The following CASZ1 variants were observed in gnomAD, a reference collection of about 807,000 sequenced individuals.
The protein encoded by CASZ1 is castor zinc finger 1, also known as zinc finger protein castor homolog 1.
A neutral mutation model predicts 135.2 loss-of-function variants in CASZ1; 28 were observed. The observed-to-expected ratio is 0.21, with a 90% CI of 0.15 to 0.28. The LOEUF (loss-of-function observed/expected upper bound fraction) is 0.28. Among genes scored for constraint, CASZ1 ranks in the 10% least tolerant of loss-of-function variants. CASZ1 has a pLI of 1.00. For synonymous variants in CASZ1, 1,068 were observed against 1,073.4 expected (o/e 0.99, Z 0.10); for missense variants, 2,161 against 2,453.3 (o/e 0.88, Z 2.52).
Position 10,697,576 on chromosome 1 carries a change from C to T in CASZ1, c.-23-3664G>A, listed in dbSNP as rs563181803. ...TCTGCCCTTCCTGTCACACTGCTAT[C>T]GCTGGTTCCTGTTACCCCCCCCGCA... On this transcript the variant is annotated intron_variant, in intron 3 of 20. Transcript: ENST00000377022. The surrounding 1 kb of genome is among the most constrained non-coding windows in gnomAD (Gnocchi z 4.7). Among the ~76,000 whole-genome samples, 20 of 152,198 alleles carry T rather than the reference C, an allele frequency of 1.3e-4. No homozygotes were observed. Among genetic ancestry groups the T allele is most frequent in the African/African-American group, 4.1e-4 (17 of 41,520 alleles).
At chr1:10,744,106 T>C (rs1485260270) in intron 2 of CASZ1, among the ~76,000 whole-genome samples, 2 of 152,042 alleles carry the variant, frequency 1.3e-5, no homozygotes, top group African/African-American at 2.4e-5. Flanking sequence ...ACGCCTAGGG[T>C]ACTCCCACCC....
rs779437670 is a variant in CASZ1 at position 10,639,630 on chromosome 1, G to A, written c.4592C>T (p.Thr1531Met). 5.6e-6 allele frequency: 9 copies of A among 1,607,142 alleles called. No individual in the cohort carries two copies. The highest frequency in any genetic ancestry group is 4.4e-5 in the South Asian group (4 of 90,188). ...RFRCTDSTKV[T>M]AHRKHHGKQD... Reference sequence around the variant, plus strand: ...TTTGCCGTGGTGCTTGCGATGCGCCGTGACCTTGGTGCTGTCGGTGCAGCG... The same window carrying A: ...TTTGCCGTGGTGCTTGCGATGCGCCATGACCTTGGTGCTGTCGGTGCAGCG... Residue 1531 changes from threonine to methionine, a missense_variant, in exon 21 of 21, where the codon ACG (threonine) becomes ATG (methionine). Around this residue, in one of 7 missense-constraint regions of CASZ1, gnomAD observed 240 missense variants for 321.4 expected, o/e 0.75. Coordinates refer to ENST00000377022, the MANE Select transcript of CASZ1 (RefSeq NM_001079843.3). The surrounding 1 kb of genome is among the most constrained non-coding windows in gnomAD (Gnocchi z 4.0).
At position 10,699,874 on chromosome 1, in the gene CASZ1, TA is replaced by T. The variant is rs980256990; in HGVS notation, c.-24+5617del. On this transcript the variant is annotated intron_variant, in intron 3 of 20. Coordinates refer to ENST00000377022, the MANE Select transcript of CASZ1 (RefSeq NM_001079843.3). The surrounding 1 kb of genome is among the most constrained non-coding windows in gnomAD (Gnocchi z 4.6). Reference sequence around the variant, plus strand: ...TTCAAGAGTGTGGCCACAAAAACTTTAAAAAAAAGTTTTGGGGTGGAAACGT... The same window carrying T: ...TTCAAGAGTGTGGCCACAAAAACTTTAAAAAAAGTTTTGGGGTGGAAACGT... 1.3e-5 allele frequency among the ~76,000 whole-genome samples: 2 copies of T among 151,802 alleles called. No individual in the cohort carries two copies. The highest frequency in any genetic ancestry group is 3.9e-4 in the East Asian group (2 of 5,170).
intron 6 of CASZ1, among the ~76,000 whole-genome samples, chr1:10,659,022 C>G (rs567267017): frequency 8.5e-5 from 13 of 152,296 alleles, no homozygotes; most frequent in Admixed American, 6.5e-4. Context: ...GTCCGGGAGC[C>G]CCCCCAGGGT....
chr1:10,691,535 C>T (rs1458127886), intron 4 of CASZ1, among the ~76,000 whole-genome samples: 1 of 152,262 alleles, frequency 6.6e-6, no homozygotes, highest in Non-Finnish European at 1.5e-5. Context: ...GGCCTGCGCC[C>T]CTGGCCTTGG....
At position 10,756,169 on chromosome 1, in the gene CASZ1, C is replaced by T. The variant is rs1640251578; in HGVS notation, c.-77+4532G>A. 1.3e-5 allele frequency among the ~76,000 whole-genome samples: 2 copies of T among 152,058 alleles called. No individual in the cohort carries two copies. The highest frequency in any genetic ancestry group is 2.9e-5 in the Non-Finnish European group (2 of 68,000). The stretch of plus-strand genomic sequence containing the variant: ...GTAGGCCTGGGAGAGCCCCACCACT[C>T]CCGCAAGCCGCTGCCAGCCTGCACT... On this transcript the variant is annotated intron_variant, in intron 2 of 20. Coordinates refer to ENST00000377022, the MANE Select transcript of CASZ1 (RefSeq NM_001079843.3). This position sits in a 1 kb window ranked among gnomAD's most constrained non-coding sequence, Gnocchi z 5.9.
intron 4 of CASZ1, among the ~76,000 whole-genome samples, chr1:10,686,874 G>A (rs1018665612): frequency 4.6e-5 from 7 of 152,220 alleles, no homozygotes; most frequent in Non-Finnish European, 1.0e-4. Flanking sequence ...CACCTAAAAG[G>A]ATGGGGGGCA....
At chr1:10,696,670 G>A (rs2100420625) in intron 3 of CASZ1, among the ~76,000 whole-genome samples, 1 of 152,388 alleles carries the variant, frequency 6.6e-6, no homozygotes, top group South Asian at 2.1e-4. Flanking sequence ...ACTGTGTGTA[G>A]GAGGAAGCCT....
intron 15 of CASZ1, 108 bp from the exon 16 acceptor site, chr1:10,648,247 G>A (rs560473137): frequency 3.4e-5 from 27 of 796,654 alleles, no homozygotes; most frequent in Admixed American, 9.1e-5. Context: ...GTCCCTACTC[G>A]TCCCCATCAC....
intron 7 of CASZ1, 141 bp from the exon 8 acceptor site, chr1:10,656,877 G>T: frequency 1.6e-6 from 1 of 630,502 alleles, no homozygotes; most frequent in South Asian, 1.8e-5. Context: ...CCAGGCAAGT[G>T]ACTGGGCCTG....
At chr1:10,793,549 T>G (rs1641001468) in intron 1 of CASZ1, among the ~76,000 whole-genome samples, 2 of 152,336 alleles carry the variant, frequency 1.3e-5, no homozygotes, top group African/African-American at 4.8e-5. Context: ...GAGATCAGTT[T>G]AACATCTCCA....
chr1:10,748,101 A>C (rs1570554753), intron 2 of CASZ1, among the ~76,000 whole-genome samples: 1 of 152,112 alleles, frequency 6.6e-6, no homozygotes, highest in African/African-American at 2.4e-5. Flanking sequence ...TACAGGTGTG[A>C]GCCACTGCGC....
At chr1:10,712,643 G>A (rs1318077235) in intron 2 of CASZ1, among the ~76,000 whole-genome samples, 1 of 152,122 alleles carries the variant, frequency 6.6e-6, no homozygotes, top group Non-Finnish European at 1.5e-5. Context: ...TCCACAGGAT[G>A]TGCTGTGTGA....
chr1:10,740,677 A>C (rs1639898918), intron 2 of CASZ1, among the ~76,000 whole-genome samples: 1 of 152,198 alleles, frequency 6.6e-6, no homozygotes, highest in African/African-American at 2.4e-5. Context: ...TTCAGGGCAC[A>C]ATCGCTCATG....
Position 10,659,414 on chromosome 1 carries a change from G to T in CASZ1, c.1340+288C>A, listed in dbSNP as rs115958049. 5.9e-3 allele frequency among the ~76,000 whole-genome samples: 897 copies of T among 152,284 alleles called. 12 individuals are homozygous for T. Among genetic ancestry groups the T allele is most frequent in the African/African-American group, 0.02 (841 of 41,560 alleles). ...TGGGCGTGTGTGGGTGGCGTGTGTG[G>T]GGGGCGTGTGCGAGGTGCACGCGCA... On this transcript the variant is annotated intron_variant, in intron 6 of 20. Coordinates refer to ENST00000377022, the MANE Select transcript of CASZ1 (RefSeq NM_001079843.3).
Position 10,655,774 on chromosome 1 carries a change from T to C in CASZ1, c.1540A>G (p.Met514Val). ...AGGGAGTTGTCGCGCTTCTTGTGCATGTTGTAGTGGCGGATCACGTCCTGC... is the reference window on the plus strand; with the variant it reads ...AGGGAGTTGTCGCGCTTCTTGTGCACGTTGTAGTGGCGGATCACGTCCTGC... ...SKQDVIRHYN[M>V]HKKRDNSLQH... is the part of the protein sequence containing the mutation. The change falls in exon 9 of 21, where the codon ATG becomes GTG. Residue 514 changes from methionine (M) to valine (V), a missense_variant. Met to Val is a conservative substitution (Grantham distance 21). Transcript: ENST00000377022. The C allele has an allele frequency of 1.2e-6, 2 of 1,614,180 alleles. No individual in the cohort carries two copies. Among genetic ancestry groups the C allele is most frequent in the Non-Finnish European group, 1.7e-6 (2 of 1,180,000 alleles).
chr1:10,660,544 G>A lies in CASZ1; in HGVS notation c.506-8C>T, dbSNP rs28403334. ...GCAGCGAGGAGGCCTCTCCTGCAGAGGAGGATGGGGGCGCATCACCTCTGG... is the reference window on the plus strand; with the variant it reads ...GCAGCGAGGAGGCCTCTCCTGCAGAAGAGGATGGGGGCGCATCACCTCTGG... On this transcript the variant is annotated splice_region_variant and splice_polypyrimidine_tract_variant and intron_variant, in intron 5 of 20. Coordinates refer to ENST00000377022, the MANE Select transcript of CASZ1 (RefSeq NM_001079843.3). 26,369 of 1,606,566 alleles carry A rather than the reference G, an allele frequency of 0.016. 434 individuals are homozygous for A. The highest frequency in any genetic ancestry group is 0.031 in the Admixed American group (1,824 of 59,544).
rs550202855 is a variant in CASZ1, at chr1:10,694,820, G to C, written c.-23-908C>G. On this transcript the variant is annotated intron_variant, in intron 3 of 20. Coordinates refer to ENST00000377022, the MANE Select transcript of CASZ1 (RefSeq NM_001079843.3). This position sits in a 1 kb window ranked among gnomAD's most constrained non-coding sequence, Gnocchi z 6.6. ...CTTGCGCTCAGGGCTGGCGGGAGGGGACCCGGCGCGGGGCGGGGAACGCGG... is the reference window on the plus strand; with the variant it reads ...CTTGCGCTCAGGGCTGGCGGGAGGGCACCCGGCGCGGGGCGGGGAACGCGG... Among the ~76,000 whole-genome samples, 473 of 145,042 alleles carry C rather than the reference G, an allele frequency of 3.3e-3. 5 individuals carry two copies. Among genetic ancestry groups the C allele is most frequent in the African/African-American group, 0.011 (455 of 40,592 alleles).
At chr1:10,718,982 T>G (rs184021) in intron 2 of CASZ1, among the ~76,000 whole-genome samples, 128,558 of 151,570 alleles carry the variant, frequency 0.85, 54,899 homozygotes, top group African/African-American at 0.93. Context: ...GTGTGATCTC[T>G]GCTCACTGCA....
Sources: gnomAD v4.1 joint callset for allele counts (sites outside exome capture counted in the v4.1 genomes callset) on GRCh38, gnomAD v4.1.1 for gene constraint, gnomAD v4.1.1 regional missense constraint, Gnocchi (gnomAD v3.1) non-coding constraint, MANE v1.5 for transcripts, NCBI Gene and HGNC (gene_info 2026-07-23, HGNC 2026-07-21) for gene names.